The following GALNT12 variants were observed in gnomAD, a reference collection of about 807,000 sequenced individuals.
The protein encoded by GALNT12 is UDP-GalNAc:polypeptide N-acetylgalactosaminyltransferase 12.
In GALNT12, 45 loss-of-function variants were observed where a neutral mutation model predicts 55.5. The ratio of observed to expected loss-of-function variants is 0.81; its 90% CI spans 0.64 to 1.04. GALNT12 has a LOEUF of 1.04. Ranked by LOEUF, GALNT12 falls within the 50% of genes least tolerant of loss-of-function variation. GALNT12 has a pLI of 0.00. For missense variants in GALNT12, 709 were observed against 754.8 expected (o/e 0.94, Z 0.71); for synonymous variants, 304 against 312.2 (o/e 0.97, Z 0.28).
In GALNT12 at chr9:98,836,989, G is replaced by C; in HGVS notation, c.1053G>C (p.Gly351=). 1.9e-6 allele frequency: 3 copies of C among 1,614,094 alleles called. No individual in the cohort carries two copies. In the East Asian group the frequency reaches 6.7e-5, roughly 36 times the overall value. The change falls in exon 6 of 10, where the codon GGG becomes GGC. Residue 351 remains glycine (G), a synonymous_variant. Coordinates refer to ENST00000375011, the MANE Select transcript of GALNT12 (RefSeq NM_024642.5). The part of the protein sequence containing the change: ...EFSFRIWQCG[G]VLETHPCSHV... Reference sequence around the variant, plus strand: ...GTGTGCAGATCTGGCAGTGTGGTGGGGTTCTGGAAACACACCCATGTTCCC... The same window carrying C: ...GTGTGCAGATCTGGCAGTGTGGTGGCGTTCTGGAAACACACCCATGTTCCC...
rs773636372 is a variant in GALNT12, at chr9:98,840,016, T to C, written c.1227T>C (p.Asp409=). The change falls in exon 7 of 10, where the codon GAT becomes GAC. Residue 409 remains aspartate, a synonymous_variant. Coordinates refer to ENST00000375011, the MANE Select transcript of GALNT12 (RefSeq NM_024642.5). ...TGTTTTCTCAGGAACCTTTTGGGGA[T>C]GTGACAGAGAGGAAGCAGCTCCGGG... The part of the protein sequence containing the change: ...NPRARLEPFG[D]VTERKQLRDK... The C allele has an allele frequency of 1.1e-5, 17 of 1,614,138 alleles. No homozygotes were observed. Among genetic ancestry groups the C allele is most frequent in the Middle Eastern group, 1.6e-4 (1 of 6,062 alleles).
At chr9:98,829,191 ATCTATC>A (rs1411085400) in intron 3 of GALNT12, among the ~76,000 whole-genome samples, 1 of 147,794 alleles carries the variant, frequency 6.8e-6, no homozygotes, top group African/African-American at 2.5e-5. Context: ...CTATCTATCT[ATCTATC>A]TATCTATCTG....
Position 98,849,057 on chromosome 9 carries a change from C to A in GALNT12, c.1711C>A (p.His571Asn), listed in dbSNP as rs768544399. 6.2e-7 allele frequency: 1 copy of A among 1,614,182 alleles called. No homozygotes were observed. The highest frequency in any genetic ancestry group is 1.3e-5 in the African/African-American group (1 of 75,048). ...CTTACGAGACTGCACCAACTCGGAT[C>A]ATCAGAAATGGTTCTTCAAAGAGCG... Reference protein sequence around the residue: ...PLLRDCTNSDHQKWFFKERML With the variant: ...PLLRDCTNSDNQKWFFKERML Residue 571 changes from histidine to asparagine, a missense_variant, in exon 10 of 10, where the codon CAT becomes AAT. Coordinates refer to ENST00000375011, the MANE Select transcript of GALNT12 (RefSeq NM_024642.5).
intron 6 of GALNT12, among the ~76,000 whole-genome samples, chr9:98,838,457 C>T (rs972579317): frequency 1.3e-5 from 2 of 152,202 alleles, no homozygotes; most frequent in African/African-American, 4.8e-5. Flanking sequence ...GGACACTGGC[C>T]CATCCACCCA....
intron 2 of GALNT12, among the ~76,000 whole-genome samples, chr9:98,824,314 A>G (rs983922532): frequency 6.6e-6 from 1 of 152,014 alleles, no homozygotes; most frequent in African/African-American, 2.4e-5. Context: ...CACCTTCTCT[A>G]GGGTGCTCTG....
chr9:98,848,184 G>T (rs1476365334), intron 9 of GALNT12, among the ~76,000 whole-genome samples: 2 of 152,092 alleles, frequency 1.3e-5, no homozygotes, highest in Admixed American at 6.5e-5. Flanking sequence ...ACATGAGTTT[G>T]GATTTTTTTG....
rs998735655 is a variant in GALNT12, at chr9:98,822,840, G to C, written c.372-416G>C. On this transcript the variant is annotated intron_variant, in intron 1 of 9. Coordinates refer to ENST00000375011, the MANE Select transcript of GALNT12 (RefSeq NM_024642.5). ...GTTTCACAAAGGAGAACAGGCCTGA[G>C]CTGGGAGCTTGCCAAGTACAGAAGG... 3.6e-4 allele frequency among the ~76,000 whole-genome samples: 55 copies of C among 152,160 alleles called. 1 individual carries two copies. The highest frequency in any genetic ancestry group is 1.3e-3 in the African/African-American group (53 of 41,426).
chr9:98,834,103 G>A (rs559069292), intron 4 of GALNT12, among the ~76,000 whole-genome samples: 3 of 151,844 alleles, frequency 2.0e-5, no homozygotes, highest in East Asian at 1.9e-4. Context: ...CAGTGGTTGC[G>A]CTCTCAATGT....
chr9:98,809,193 G>C (rs774304325), intron 1 of GALNT12, among the ~76,000 whole-genome samples: 1 of 152,238 alleles, frequency 6.6e-6, no homozygotes, highest in Non-Finnish European at 1.5e-5. Context: ...TGGCCAGAGA[G>C]ACCATGAATG....
chr9:98,824,423 G>A (rs927301153), intron 2 of GALNT12, among the ~76,000 whole-genome samples: 27 of 152,130 alleles, frequency 1.8e-4, no homozygotes, highest in Admixed American at 2.0e-4. Flanking sequence ...CCTTCCTCCC[G>A]AGGGCACTGC....
chr9:98,818,606 C>T (rs1835668213), intron 1 of GALNT12, among the ~76,000 whole-genome samples: 1 of 151,966 alleles, frequency 6.6e-6, no homozygotes, highest in Non-Finnish European at 1.5e-5. Context: ...TTTAATCAGG[C>T]CATTGCTGTG....
chr9:98,839,857 C>A (rs1588455624), intron 6 of GALNT12, 145 bp from the exon 7 acceptor site: 1 of 961,126 alleles, frequency 1.0e-6, no homozygotes, highest in Non-Finnish European at 1.7e-6. Flanking sequence ...TGTTTTCTAT[C>A]CTCTGTGCTC....
chr9:98,819,209 TC>T (rs1347357949), intron 1 of GALNT12, among the ~76,000 whole-genome samples: 1 of 152,228 alleles, frequency 6.6e-6, no homozygotes, highest in Non-Finnish European at 1.5e-5. Context: ...TTAAAATATA[TC>T]CACAAATTCT....
At chr9:98,812,525 G>C (rs576665523) in intron 1 of GALNT12, among the ~76,000 whole-genome samples, 1 of 152,312 alleles carries the variant, frequency 6.6e-6, no homozygotes, top group East Asian at 1.9e-4. Flanking sequence ...CAGGAGGCTG[G>C]AGGTTGCAGT....
At chr9:98,834,757 C>T (rs1317458409) in intron 4 of GALNT12, among the ~76,000 whole-genome samples, 1 of 152,240 alleles carries the variant, frequency 6.6e-6, no homozygotes, top group Non-Finnish European at 1.5e-5. Flanking sequence ...TGACCATGGC[C>T]TGGAGCCTGC....
intron 1 of GALNT12, among the ~76,000 whole-genome samples, chr9:98,821,801 TC>T (rs1371505501): frequency 6.6e-6 from 1 of 152,036 alleles, no homozygotes; most frequent in Non-Finnish European, 1.5e-5. Context: ...TTGCTCTCCT[TC>T]CCCCTCCCCA....
At chr9:98,833,204 G>T (rs570898276) in intron 4 of GALNT12, among the ~76,000 whole-genome samples, 3 of 152,270 alleles carry the variant, frequency 2.0e-5, no homozygotes, top group South Asian at 4.1e-4. Flanking sequence ...AAGCAAGTGG[G>T]AGACAGATGT....
rs1313389359 is a variant in GALNT12, at chr9:98,844,153, C to A, written c.1402C>A (p.Gln468Lys). ...TGACTATAACCCTCCCGATGAAAAC[C>A]AGATTGTGGGACACCAGGTCATTCT... ...CFDYNPPDEN[Q>K]IVGHQVILYL... The change falls in exon 8 of 10, where the codon CAG (glutamine) becomes AAG (lysine). Residue 468 changes from glutamine to lysine, a missense_variant. Gln to Lys is a moderately conservative substitution (Grantham distance 53, BLOSUM62 1). Transcript: ENST00000375011. 2 of 1,613,854 alleles carry A rather than the reference C, an allele frequency of 1.2e-6. No homozygotes were observed. Among genetic ancestry groups the A allele is most frequent in the Admixed American group, 3.3e-5 (2 of 60,000 alleles).
intron 5 of GALNT12, 38 bp from the exon 6 acceptor site, chr9:98,836,934 C>T (rs1222320476): frequency 1.9e-6 from 3 of 1,612,204 alleles, no homozygotes; most frequent in Non-Finnish European, 2.5e-6. Flanking sequence ...AGCTCATCCC[C>T]TGCTCACCAC....
Sources: gnomAD v4.1 joint callset for allele counts (sites outside exome capture counted in the v4.1 genomes callset) on GRCh38, gnomAD v4.1.1 for gene constraint, MANE v1.5 for transcripts, NCBI Gene and HGNC (gene_info 2026-07-23, HGNC 2026-07-21) for gene names.